SLC35F4: variants seen among roughly 807,000 people sequenced by gnomAD.
SLC35F4 encodes chromosome 14 open reading frame 36.
In SLC35F4, 24 loss-of-function variants were observed where a neutral mutation model predicts 44.2. That is an observed-to-expected ratio of 0.54 (90% CI 0.39 to 0.76). SLC35F4 has a LOEUF of 0.76. Among genes scored for constraint, SLC35F4 ranks in the 30% least tolerant of loss-of-function variants. The pLI is 0.00. For synonymous variants in SLC35F4, 238 were observed against 223.6 expected (o/e 1.06, Z -0.57); for missense variants, 562 against 586.1 (o/e 0.96, Z 0.42).
At chr14:57,968,348 A>G (rs1460711837) in intron 1 of SLC35F4, among the ~76,000 whole-genome samples, 1 of 152,240 alleles carries the variant, frequency 6.6e-6, no homozygotes, top group Non-Finnish European at 1.5e-5. Flanking sequence ...TGGACTCTAG[A>G]GCTAACGCCC....
At chr14:57,953,702 G>T (rs187108080) in intron 1 of SLC35F4, among the ~76,000 whole-genome samples, 1 of 152,290 alleles carries the variant, frequency 6.6e-6, no homozygotes, top group East Asian at 1.9e-4. Flanking sequence ...AATTGTAAAG[G>T]TATCAATGCA....
intron 1 of SLC35F4, among the ~76,000 whole-genome samples, chr14:57,956,373 G>A (rs1890237845): frequency 6.6e-6 from 1 of 152,174 alleles, no homozygotes; most frequent in South Asian, 2.1e-4. Context: ...TCAGGACATA[G>A]GCATGGGCAA....
At chr14:57,974,720 GA>G (rs987699674), downstream of SLC35F4, among the ~76,000 whole-genome samples, 3 of 151,946 alleles carry the variant, frequency 2.0e-5, no homozygotes, top group Non-Finnish European at 2.9e-5. Flanking sequence ...AAGAAGTGTT[GA>G]AAAAAGGATT....
chr14:57,774,882 G>A (rs557174625), intron 1 of SLC35F4, among the ~76,000 whole-genome samples: 6 of 152,240 alleles, frequency 3.9e-5, no homozygotes, highest in South Asian at 2.1e-4. Flanking sequence ...CTGCCAGCAC[G>A]TTTGTGCATG....
intron 1 of SLC35F4, among the ~76,000 whole-genome samples, chr14:57,609,787 T>G (rs2071384277): frequency 6.6e-6 from 1 of 152,234 alleles, no homozygotes; most frequent in Admixed American, 6.5e-5. Flanking sequence ...AAAATGCTGC[T>G]GGCATTACCT....
At chr14:57,627,137 T>A (rs944051672) in intron 1 of SLC35F4, among the ~76,000 whole-genome samples, 1 of 152,142 alleles carries the variant, frequency 6.6e-6, no homozygotes, top group African/African-American at 2.4e-5. Flanking sequence ...TGTGTTTACT[T>A]TTTTAGCCTT....
At chr14:57,714,232 G>C (rs2075880799) in intron 1 of SLC35F4, among the ~76,000 whole-genome samples, 1 of 152,022 alleles carries the variant, frequency 6.6e-6, no homozygotes. Flanking sequence ...CTCCATAATT[G>C]GTTAAGTCAT....
At chr14:57,573,944 T>C (rs1386425338) in intron 4 of SLC35F4, among the ~76,000 whole-genome samples, 1 of 152,240 alleles carries the variant, frequency 6.6e-6, no homozygotes, top group East Asian at 1.9e-4. Context: ...TAACGAACTT[T>C]CACATGATGT....
chr14:57,908,764 C>T (rs1257579368), intron 1 of SLC35F4, among the ~76,000 whole-genome samples: 2 of 152,206 alleles, frequency 1.3e-5, no homozygotes, highest in African/African-American at 4.8e-5. Flanking sequence ...GTTTCCTTTG[C>T]TGTGCAGAAG....
chr14:57,755,510 T>A (rs1460418055), intron 1 of SLC35F4, among the ~76,000 whole-genome samples: 1 of 152,182 alleles, frequency 6.6e-6, no homozygotes. Flanking sequence ...ACTGGGTTGA[T>A]CATAAACAAA....
chr14:57,705,884 C>A (rs1210313350), intron 1 of SLC35F4, among the ~76,000 whole-genome samples: 4 of 152,058 alleles, frequency 2.6e-5, no homozygotes, highest in Non-Finnish European at 4.4e-5. Flanking sequence ...TTCTCCCTAA[C>A]TAGAGGTTAG....
chr14:57,688,158 G>A (rs1811637755), intron 1 of SLC35F4, among the ~76,000 whole-genome samples: 1 of 152,054 alleles, frequency 6.6e-6, no homozygotes, highest in African/African-American at 2.4e-5. Context: ...GGTTACTAAT[G>A]AGGAAAAGAG....
intron 1 of SLC35F4, among the ~76,000 whole-genome samples, chr14:57,798,367 A>G (rs1410291049): frequency 6.6e-6 from 1 of 152,106 alleles, no homozygotes. Flanking sequence ...TTTTAAAACC[A>G]TACACGAACG....
intron 3 of SLC35F4, among the ~76,000 whole-genome samples, chr14:57,582,288 C>T (rs1354402239): frequency 6.6e-6 from 1 of 152,138 alleles, no homozygotes; most frequent in Non-Finnish European, 1.5e-5. Flanking sequence ...CTCCGCCTCC[C>T]AGACTCGAGC....
intron 1 of SLC35F4, among the ~76,000 whole-genome samples, chr14:57,776,165 A>G (rs1293940132): frequency 6.6e-6 from 1 of 152,234 alleles, no homozygotes; most frequent in East Asian, 1.9e-4. Context: ...GACCAAATCT[A>G]TGACTCACTG....
downstream of SLC35F4, among the ~76,000 whole-genome samples, chr14:57,972,556 AC>A (rs1226839568): frequency 6.6e-6 from 1 of 152,128 alleles, no homozygotes; most frequent in Non-Finnish European, 1.5e-5. Context: ...AAAAAAAAAA[AC>A]CTTAACATTT....
At chr14:57,685,308 G>A (rs939823531) in intron 1 of SLC35F4, among the ~76,000 whole-genome samples, 1 of 152,108 alleles carries the variant, frequency 6.6e-6, no homozygotes, top group Non-Finnish European at 1.5e-5. Context: ...TAAGGCCTTA[G>A]AGAAAGGGTA....
rs2141079427 is a variant in SLC35F4, at chr14:57,949,719, T to C, written n.282+32194A>G. On this transcript the variant is annotated intron_variant and non_coding_transcript_variant, in intron 1 of 1. Coordinates refer to the SLC35F4 transcript ENST00000556568. ...TTAGCATTTCTTGTAGTGCTAGTTC[T>C]CTAGTGGTGAATTCTCTTAGCATTT... Among the ~76,000 whole-genome samples, 2 of 152,316 alleles carry C rather than the reference T, an allele frequency of 1.3e-5. 1 individual carries two copies. The highest frequency in any genetic ancestry group is 4.1e-4 in the South Asian group (2 of 4,828).
intron 4 of SLC35F4, among the ~76,000 whole-genome samples, chr14:57,573,057 C>A (rs1375473622): frequency 7.4e-6 from 1 of 136,014 alleles, no homozygotes; most frequent in Non-Finnish European, 1.6e-5. Context: ...TGAGTATTCC[C>A]AGTAAAGAAA....
Sources: allele counts gnomAD v4.1 joint callset (sites outside exome capture counted in the v4.1 genomes callset), GRCh38; gene constraint gnomAD v4.1.1; transcripts MANE v1.5; gene names NCBI Gene and HGNC (gene_info 2026-07-23, HGNC 2026-07-21).